Variants in RAD51B observed in about 807,000 individuals in gnomAD.
RAD51B encodes the protein DNA repair protein RAD51 homolog 2.
In RAD51B, 38 loss-of-function variants were observed where a neutral mutation model predicts 42.2. That is an observed-to-expected ratio of 0.90 (90% CI 0.70 to 1.18). RAD51B has a LOEUF of 1.18. Among genes scored for constraint, RAD51B ranks in the 50% most tolerant of loss-of-function variants. The pLI is 0.00. For synonymous variants in RAD51B, 154 were observed against 145.2 expected (o/e 1.06, Z -0.43); for missense variants, 373 against 400.7 (o/e 0.93, Z 0.59).
At chr14:68,487,895 C>G (rs1021824444) in intron 10 of RAD51B, among the ~76,000 whole-genome samples, 1 of 152,204 alleles carries the variant, frequency 6.6e-6, no homozygotes, top group African/African-American at 2.4e-5. Flanking sequence ...GGGGACACAG[C>G]TCAGTTCATA....
intron 10 of RAD51B, among the ~76,000 whole-genome samples, chr14:68,516,688 G>A (rs1248412589): frequency 2.0e-5 from 3 of 152,190 alleles, no homozygotes; most frequent in Non-Finnish European, 2.9e-5. Context: ...TTAAAATTCA[G>A]TTATCTGGCT....
In RAD51B at chr14:68,476,045, G is replaced by GA. The variant is rs35479070; in HGVS notation, c.1037-1587dup. ...CTCAGGGGTCAAGAGATATAAGGCT[G>GA]AAAAAAAAAAAAAAAAGGTCCCTTC... On this transcript the variant is annotated intron_variant, in intron 10 of 10. Transcript: ENST00000471583. Among the ~76,000 whole-genome samples the GA allele has an allele frequency of 8.5e-3, 1,087 of 127,622 alleles. 10 individuals carry two copies. Among genetic ancestry groups the GA allele is most frequent in the Middle Eastern group, 0.038 (8 of 212 alleles). 83.7% of individuals were successfully genotyped at this position (127,622 alleles called of 152,430 possible).
intron 10 of RAD51B, among the ~76,000 whole-genome samples, chr14:68,485,865 G>A (rs1883583918): frequency 6.6e-6 from 1 of 152,204 alleles, no homozygotes; most frequent in Non-Finnish European, 1.5e-5. Context: ...TCTTCATGAT[G>A]GTTTTTGGAC....
At chr14:67,939,778 C>T (rs532529709) in intron 7 of RAD51B, among the ~76,000 whole-genome samples, 26 of 151,786 alleles carry the variant, frequency 1.7e-4, no homozygotes, top group Non-Finnish European at 2.4e-4. Flanking sequence ...AAGACTTAAT[C>T]GAACCCTAAT....
At position 68,587,107 on chromosome 14, in the gene RAD51B, G is replaced by A. The variant is rs188775500; in HGVS notation, c.1037-7378G>A. Among the ~76,000 whole-genome samples the A allele has an allele frequency of 4.1e-3, 626 of 152,278 alleles. 2 individuals carry two copies. The highest frequency in any genetic ancestry group is 7.1e-3 in the Non-Finnish European group (480 of 68,012). On this transcript the variant is annotated intron_variant, in intron 10 of 10. Coordinates refer to the RAD51B transcript ENST00000487270. ...ATCCTGCTCTCTGCTATATGTCAGT[G>A]TTCCAGCACAGTGCCTGCGCATAAG...
intron 7 of RAD51B, among the ~76,000 whole-genome samples, chr14:68,008,298 G>A (rs1312716761): frequency 2.0e-5 from 3 of 151,658 alleles, no homozygotes; most frequent in Non-Finnish European, 4.4e-5. Flanking sequence ...TTAAAATATA[G>A]ACAAATTGAT....
Position 68,565,115 on chromosome 14 carries a change from C to T in RAD51B, c.1037-29370C>T, listed in dbSNP as rs1189170997. 1.3e-5 allele frequency among the ~76,000 whole-genome samples: 2 copies of T among 152,190 alleles called. No individual in the cohort carries two copies. The highest frequency in any genetic ancestry group is 6.5e-5 in the Admixed American group (1 of 15,286). On this transcript the variant is annotated intron_variant, in intron 10 of 10. Transcript: ENST00000487270. The surrounding 1 kb of genome is among the most constrained non-coding windows in gnomAD (Gnocchi z 4.1). Reference sequence around the variant, plus strand: ...CACACACATACACACACACACACCCCACATGCACACAACACAAAGGTTTAA... The same window carrying T: ...CACACACATACACACACACACACCCTACATGCACACAACACAAAGGTTTAA...
chr14:68,251,437 T>C (rs937750458), intron 7 of RAD51B, among the ~76,000 whole-genome samples: 1 of 152,196 alleles, frequency 6.6e-6, no homozygotes, highest in Non-Finnish European at 1.5e-5. Context: ...CCTTTTTCTA[T>C]TTTAAATGCT....
intron 10 of RAD51B, among the ~76,000 whole-genome samples, chr14:68,646,295 G>T (rs560180707): frequency 5.2e-4 from 79 of 152,258 alleles, no homozygotes; most frequent in Non-Finnish European, 1.0e-3. Flanking sequence ...ACAAAAGTTT[G>T]CTTCTTTGAT....
intron 5 of RAD51B, among the ~76,000 whole-genome samples, chr14:67,881,478 G>A (rs1169645731): frequency 9.2e-5 from 14 of 152,096 alleles, no homozygotes; most frequent in Admixed American, 9.2e-4. Flanking sequence ...GCAGATCTTT[G>A]CAGTGCTCAC....
chr14:68,224,344 C>T (rs1423539591), intron 7 of RAD51B, among the ~76,000 whole-genome samples: 1 of 152,120 alleles, frequency 6.6e-6, no homozygotes, highest in African/African-American at 2.4e-5. Flanking sequence ...TTATTCTCTC[C>T]CAGTCACTTA....
intron 7 of RAD51B, chr14:68,113,972 A>G (rs145487213): frequency 7.2e-5 from 11 of 152,200 alleles, no homozygotes; most frequent in African/African-American, 2.4e-4. Flanking sequence ...TGAGTAGGCA[A>G]CTCTGATTTC....
chr14:68,206,788 C>CTTTT (rs34642019), intron 7 of RAD51B, among the ~76,000 whole-genome samples: 3 of 124,348 alleles, frequency 2.4e-5, no homozygotes, highest in African/African-American at 3.0e-5. Context: ...AACCCCAGTT[C>CTTTT]TTTTTTTTTT....
At chr14:67,960,554 CCA>C (rs530189545) in intron 7 of RAD51B, among the ~76,000 whole-genome samples, 97 of 152,142 alleles carry the variant, frequency 6.4e-4, no homozygotes, top group Non-Finnish European at 1.2e-3. Context: ...AGCAGTTTAC[CCA>C]CAGTGTATCT....
intron 7 of RAD51B, among the ~76,000 whole-genome samples, chr14:67,985,656 C>T (rs1348826955): frequency 6.6e-6 from 1 of 151,988 alleles, no homozygotes; most frequent in East Asian, 1.9e-4. Context: ...TGCTTGTAGT[C>T]CTAGCACTTT....
chr14:68,042,096 CTG>C (rs1422624230), intron 7 of RAD51B, among the ~76,000 whole-genome samples: 1 of 152,152 alleles, frequency 6.6e-6, no homozygotes, highest in Non-Finnish European at 1.5e-5. Context: ...AGTATACTGT[CTG>C]TGTGATTTTT....
chr14:67,949,366 G>A (rs1268869456), intron 7 of RAD51B, among the ~76,000 whole-genome samples: 5 of 152,150 alleles, frequency 3.3e-5, no homozygotes, highest in East Asian at 3.9e-4. Context: ...ATCATCACCC[G>A]GAATAGTTTC....
intron 9 of RAD51B, among the ~76,000 whole-genome samples, chr14:68,447,532 C>T (rs761504684): frequency 1.3e-4 from 20 of 151,732 alleles, no homozygotes; most frequent in Non-Finnish European, 1.6e-4. Flanking sequence ...GCTTTTCTGG[C>T]TTATAAGGCT....
chr14:68,423,821 A>G (rs1039599137), intron 9 of RAD51B, among the ~76,000 whole-genome samples: 11 of 152,218 alleles, frequency 7.2e-5, no homozygotes, highest in African/African-American at 2.7e-4. Context: ...CTGTTAAGTA[A>G]TGATTAGTTA....
Sources: allele counts gnomAD v4.1 joint callset (sites outside exome capture counted in the v4.1 genomes callset), GRCh38; gene constraint gnomAD v4.1.1; non-coding constraint Gnocchi (gnomAD v3.1); transcripts MANE v1.5; gene names NCBI Gene and HGNC (gene_info 2026-07-23, HGNC 2026-07-21).